Variants in DKK2 observed in about 807,000 individuals in gnomAD.
The protein encoded by DKK2 is dickkopf Wnt signaling pathway inhibitor 2.
A neutral mutation model predicts 28.1 loss-of-function variants in DKK2; 11 were observed. The observed-to-expected ratio is 0.39, with a 90% CI of 0.25 to 0.65. The LOEUF (loss-of-function observed/expected upper bound fraction) is 0.65, where lower values mean the gene tolerates loss of function less well. Among genes scored for constraint, DKK2 ranks in the 30% least tolerant of loss-of-function variants. The probability of loss-of-function intolerance (pLI) is 0.47; values close to 1 mark genes in which losing one functional copy is unlikely to be tolerated. For missense variants in DKK2, 326 were observed against 335.5 expected (o/e 0.97, Z 0.22); for synonymous variants, 135 against 126.5 (o/e 1.07, Z -0.45).
At chr4:106,955,940 C>T (rs1211627346) in intron 1 of DKK2, among the ~76,000 whole-genome samples, 3 of 152,134 alleles carry the variant, frequency 2.0e-5, no homozygotes, top group African/African-American at 4.8e-5. Context: ...TTTACTGATA[C>T]ATTGATCTCA....
At chr4:106,975,867 G>A (rs897739538) in intron 1 of DKK2, among the ~76,000 whole-genome samples, 1 of 152,114 alleles carries the variant, frequency 6.6e-6, no homozygotes, top group Non-Finnish European at 1.5e-5. Context: ...GCCTTTTCCT[G>A]TGGGCATTTA....
intron 1 of DKK2, among the ~76,000 whole-genome samples, chr4:107,012,440 G>A (rs938247757): frequency 6.6e-6 from 1 of 151,254 alleles, no homozygotes; most frequent in African/African-American, 2.4e-5. Context: ...GGAAGTCACA[G>A]CAATAGGATG....
intron 1 of DKK2, among the ~76,000 whole-genome samples, chr4:106,952,788 T>G (rs1413185914): frequency 5.9e-5 from 9 of 152,184 alleles, no homozygotes; most frequent in Non-Finnish European, 1.3e-4. Context: ...GGGCATTTTC[T>G]GATCATCAAA....
chr4:106,977,735 C>T lies in DKK2; in HGVS notation c.223-51786G>A, dbSNP rs556730808. 1.2e-4 allele frequency among the ~76,000 whole-genome samples: 18 copies of T among 152,324 alleles called. No individual in the cohort carries two copies. The East Asian group carries it at 3.3e-3, about 28-fold the overall frequency. On this transcript the variant is annotated intron_variant, in intron 1 of 3. Transcript: ENST00000285311. Reference sequence around the variant, plus strand: ...ATTACCCACCTTCCGAAGCCTACTTCTGTCAATTCGTCAAACTCATTCTCC... The same window carrying T: ...ATTACCCACCTTCCGAAGCCTACTTTTGTCAATTCGTCAAACTCATTCTCC...
chr4:106,949,414 T>A (rs1170455888), intron 1 of DKK2, among the ~76,000 whole-genome samples: 2 of 152,184 alleles, frequency 1.3e-5, no homozygotes, highest in African/African-American at 2.4e-5. Context: ...GGGTGGCTAT[T>A]TTGATTCTGT....
In DKK2 at chr4:106,924,639, A is replaced by G. The variant is rs755352007; in HGVS notation, c.435T>C (p.Thr145=). The change falls in exon 3 of 4, where the codon ACT becomes ACC. Residue 145 remains threonine, a synonymous_variant. Coordinates refer to ENST00000285311, the MANE Select transcript of DKK2 (RefSeq NM_014421.3). ...GACCGTGGTTTCGATCTCTGTGCCG[A>G]GTACCATCCAGAGCCGGGATGTGAG... ...LTPHIPALDG[T]RHRDRNHGHY... is the part of the protein sequence containing the mutation. The G allele has an allele frequency of 6.2e-7, 1 of 1,613,942 alleles. No homozygotes were observed. Among genetic ancestry groups the G allele is most frequent in the Non-Finnish European group, 8.5e-7 (1 of 1,179,866 alleles).
chr4:107,011,690 A>AGT (rs112855833), intron 1 of DKK2, among the ~76,000 whole-genome samples: 24,007 of 146,730 alleles, frequency 0.16, 1,956 homozygotes, highest in Admixed American at 0.25. Context: ...TCTTTGTCTG[A>AGT]GTGTGTGTGT....
intron 1 of DKK2, among the ~76,000 whole-genome samples, chr4:106,939,250 C>T (rs557539647): frequency 1.4e-3 from 208 of 152,268 alleles, no homozygotes; most frequent in Non-Finnish European, 2.4e-3. Flanking sequence ...AGCTGATAAG[C>T]AACTTCAGCA....
chr4:107,027,783 G>T (rs934921025), intron 1 of DKK2, among the ~76,000 whole-genome samples: 1 of 127,020 alleles, frequency 7.9e-6, no homozygotes, highest in Non-Finnish European at 1.6e-5. Flanking sequence ...ACAGAGTCTC[G>T]CTCTGTCGCC....
intron 1 of DKK2, among the ~76,000 whole-genome samples, chr4:106,999,197 C>G (rs1723320686): frequency 2.0e-5 from 3 of 152,162 alleles, no homozygotes; most frequent in Admixed American, 2.0e-4. Context: ...ACCCTCACAA[C>G]TGAAGTATGG....
chr4:106,927,551 A>G (rs1724441100), intron 1 of DKK2, among the ~76,000 whole-genome samples: 1 of 152,224 alleles, frequency 6.6e-6, no homozygotes, highest in South Asian at 2.1e-4. Context: ...CTGGAGCCAC[A>G]CAAAGCTATA....
intron 1 of DKK2, among the ~76,000 whole-genome samples, chr4:107,026,530 T>C (rs1435867250): frequency 6.6e-6 from 1 of 152,178 alleles, no homozygotes; most frequent in East Asian, 1.9e-4. Context: ...AATGGAAGTA[T>C]ATTTAAACTC....
At chr4:106,928,799 A>T (rs1724460717) in intron 1 of DKK2, among the ~76,000 whole-genome samples, 1 of 152,210 alleles carries the variant, frequency 6.6e-6, no homozygotes, top group African/African-American at 2.4e-5. Context: ...ATTTTAGTAA[A>T]GAGTTTTAAA....
At chr4:106,943,514 G>T (rs1468491374) in intron 1 of DKK2, among the ~76,000 whole-genome samples, 1 of 152,046 alleles carries the variant, frequency 6.6e-6, no homozygotes, top group East Asian at 1.9e-4. Context: ...TTTTTAAATT[G>T]ATTTTTAAAA....
chr4:107,026,439 C>T (rs906714009), intron 1 of DKK2, among the ~76,000 whole-genome samples: 1 of 152,034 alleles, frequency 6.6e-6, no homozygotes, highest in Non-Finnish European at 1.5e-5. Flanking sequence ...ATTATATTAA[C>T]ATTTTATGAG....
chr4:106,929,478 A>G (rs1044902735), intron 1 of DKK2, among the ~76,000 whole-genome samples: 2 of 152,190 alleles, frequency 1.3e-5, no homozygotes. Context: ...TCATTATTGC[A>G]TCAGTTATAA....
chr4:106,981,197 T>C (rs953003923), intron 1 of DKK2, among the ~76,000 whole-genome samples: 34 of 152,064 alleles, frequency 2.2e-4, no homozygotes, highest in African/African-American at 7.5e-4. Context: ...GCCCTAAAGA[T>C]ACTTGAAGGG....
intron 1 of DKK2, among the ~76,000 whole-genome samples, chr4:106,932,941 G>A (rs754682481): frequency 1.3e-5 from 2 of 152,132 alleles, no homozygotes; most frequent in Non-Finnish European, 2.9e-5. Flanking sequence ...AAATTGATTG[G>A]TTGAGTGACC....
intron 1 of DKK2, among the ~76,000 whole-genome samples, chr4:106,999,745 C>CA (rs975166331): frequency 2.6e-5 from 4 of 151,808 alleles, no homozygotes; most frequent in South Asian, 4.1e-4. Context: ...GACTACATAA[C>CA]AAAAAAATAG....
Sources: allele counts gnomAD v4.1 joint callset (sites outside exome capture counted in the v4.1 genomes callset), GRCh38; gene constraint gnomAD v4.1.1; transcripts MANE v1.5; gene names NCBI Gene and HGNC (gene_info 2026-07-23, HGNC 2026-07-21).